DLG2: variants seen among roughly 807,000 people sequenced by gnomAD.
DLG2 encodes the protein disks large homolog 2.
DLG2 carries 45 observed loss-of-function variants against 132.5 expected under a neutral mutation model. The ratio of observed to expected loss-of-function variants is 0.34; its 90% CI spans 0.27 to 0.44. The LOEUF (loss-of-function observed/expected upper bound fraction) is 0.44, where lower values mean the gene tolerates loss of function less well. Ranked by LOEUF, DLG2 falls within the 20% of genes least tolerant of loss-of-function variation. DLG2 has a pLI of 1.00. For synonymous variants in DLG2, 424 were observed against 419.6 expected, an observed-to-expected ratio of 1.01 and a Z score of -0.13; for missense variants, 1,045 against 1,196.9, an observed-to-expected ratio of 0.87 and a Z score of 1.87.
chr11:83,862,220 G>A (rs1026707389), intron 16 of DLG2, among the ~76,000 whole-genome samples: 1 of 152,112 alleles, frequency 6.6e-6, no homozygotes, highest in African/African-American at 2.4e-5. Context: ...AATGGATAAA[G>A]AAAATGTGGT....
intron 8 of DLG2, among the ~76,000 whole-genome samples, chr11:84,195,454 G>A (rs977054451): frequency 1.3e-5 from 2 of 152,188 alleles, no homozygotes; most frequent in Admixed American, 1.3e-4. Flanking sequence ...ATAAGCTACC[G>A]TGCCCAGCCT....
intron 3 of DLG2, among the ~76,000 whole-genome samples, chr11:85,429,636 T>C (rs1258237763): frequency 2.0e-5 from 3 of 152,108 alleles, no homozygotes; most frequent in Non-Finnish European, 4.4e-5. Context: ...ATCAGAGAAA[T>C]GCAAATCAAA....
Position 84,926,340 on chromosome 11 carries a change from A to G in DLG2, c.357+185321T>C, listed in dbSNP as rs764144604. Among the ~76,000 whole-genome samples, 41 of 152,064 alleles carry G rather than the reference A, an allele frequency of 2.7e-4. 1 individual carries two copies. Among genetic ancestry groups the G allele is most frequent in the Non-Finnish European group, 5.0e-4 (34 of 67,962 alleles). On this transcript the variant is annotated intron_variant, in intron 6 of 27. Coordinates refer to ENST00000376104, the MANE Select transcript of DLG2 (RefSeq NM_001142699.3). ...CAAATTATGATTGATGTAGTGATTC[A>G]ACTTTCAGGAATTTATCCCAGATAT...
chr11:83,704,984 C>A (rs2083657083), intron 18 of DLG2, among the ~76,000 whole-genome samples: 1 of 152,032 alleles, frequency 6.6e-6, no homozygotes, highest in South Asian at 2.1e-4. Context: ...ATGCAATACA[C>A]CCATGTAACA....
chr11:85,404,817 T>G (rs1174027910), intron 3 of DLG2, among the ~76,000 whole-genome samples: 1 of 151,986 alleles, frequency 6.6e-6, no homozygotes, highest in East Asian at 1.9e-4. Flanking sequence ...AGTGGTCACT[T>G]TACACATTCT....
At chr11:85,157,087 A>T (rs1418279520) in intron 4 of DLG2, among the ~76,000 whole-genome samples, 1 of 152,176 alleles carries the variant, frequency 6.6e-6, no homozygotes, top group Non-Finnish European at 1.5e-5. Context: ...GCAGAAAAAC[A>T]CGAAAAGATT....
chr11:84,665,486 C>G (rs1360343597), intron 6 of DLG2, among the ~76,000 whole-genome samples: 1 of 152,074 alleles, frequency 6.6e-6, no homozygotes, highest in Non-Finnish European at 1.5e-5. Context: ...TCTTTCATAT[C>G]TCCATGCCTT....
chr11:83,657,910 TA>T (rs966165400), intron 18 of DLG2, among the ~76,000 whole-genome samples: 1 of 152,138 alleles, frequency 6.6e-6, no homozygotes, highest in African/African-American at 2.4e-5. Context: ...TAGTTGCCTA[TA>T]AAAAATAGAC....
intron 6 of DLG2, among the ~76,000 whole-genome samples, chr11:84,795,727 G>T (rs2074499515): frequency 6.6e-6 from 1 of 152,146 alleles, no homozygotes; most frequent in African/African-American, 2.4e-5. Context: ...GCCCTTTGGG[G>T]AGCCTGGATG....
intron 19 of DLG2, among the ~76,000 whole-genome samples, chr11:83,570,958 C>G (rs1044263983): frequency 6.6e-6 from 1 of 152,152 alleles, no homozygotes; most frequent in Non-Finnish European, 1.5e-5. Flanking sequence ...TCTCAGCTCA[C>G]TACAACTTCC....
chr11:84,034,281 A>T (rs367890311), intron 11 of DLG2, among the ~76,000 whole-genome samples: 1 of 152,106 alleles, frequency 6.6e-6, no homozygotes, highest in African/African-American at 2.4e-5. Context: ...TTTTTTAGTT[A>T]TAAAGTATTT....
intron 7 of DLG2, among the ~76,000 whole-genome samples, chr11:84,304,032 T>C (rs1264579260): frequency 1.3e-5 from 2 of 152,206 alleles, no homozygotes; most frequent in African/African-American, 4.8e-5. Flanking sequence ...TTCAGGTTAA[T>C]GGCGCAGAAA....
chr11:84,906,292 A>G (rs1300856244), intron 6 of DLG2, among the ~76,000 whole-genome samples: 2 of 149,496 alleles, frequency 1.3e-5, no homozygotes, highest in East Asian at 2.0e-4. Context: ...ACACCAAAAT[A>G]CAGCAGGTGA....
intron 3 of DLG2, among the ~76,000 whole-genome samples, chr11:85,297,380 T>C (rs760689141): frequency 6.6e-6 from 1 of 152,078 alleles, no homozygotes; most frequent in Non-Finnish European, 1.5e-5. Flanking sequence ...ACATGAAGCT[T>C]TGTAGTTCTC....
rs955511716 is a variant in DLG2, at chr11:84,865,400, C to T, written c.357+246261G>A. 3.9e-5 allele frequency among the ~76,000 whole-genome samples: 6 copies of T among 152,152 alleles called. 1 individual carries two copies. The highest frequency in any genetic ancestry group is 5.9e-5 in the Non-Finnish European group (4 of 68,020). ...ATTGATAAGCCAGTAGAAATTATTT[C>T]ATTATACCTCACATTTACACATGTA... On this transcript the variant is annotated intron_variant, in intron 6 of 27. Transcript: ENST00000376104.
intron 6 of DLG2, among the ~76,000 whole-genome samples, chr11:84,818,236 C>G (rs1566045735): frequency 1.3e-5 from 2 of 151,992 alleles, no homozygotes; most frequent in Non-Finnish European, 2.9e-5. Context: ...CTATTTATTA[C>G]TCATCCAAGA....
intron 21 of DLG2, among the ~76,000 whole-genome samples, chr11:83,504,022 C>G (rs1424999496): frequency 6.6e-6 from 1 of 152,142 alleles, no homozygotes; most frequent in African/African-American, 2.4e-5. Context: ...AACAATACTT[C>G]TATGCTGATG....
chr11:83,844,760 T>C (rs575045148), intron 16 of DLG2, among the ~76,000 whole-genome samples: 48 of 152,034 alleles, frequency 3.2e-4, no homozygotes, highest in Non-Finnish European at 5.7e-4. Flanking sequence ...TGCAGGTGGC[T>C]AACATAAATG....
intron 9 of DLG2, among the ~76,000 whole-genome samples, chr11:84,136,496 A>G (rs2094606327): frequency 6.6e-6 from 1 of 152,206 alleles, no homozygotes; most frequent in Non-Finnish European, 1.5e-5. Context: ...GTGCTATAAG[A>G]AAATGAGATA....
Sources: gnomAD v4.1 joint callset for allele counts (sites outside exome capture counted in the v4.1 genomes callset) on GRCh38, gnomAD v4.1.1 for gene constraint, MANE v1.5 for transcripts, NCBI Gene and HGNC (gene_info 2026-07-23, HGNC 2026-07-21) for gene names.